The following PPP1R13B variants were observed in gnomAD, a reference collection of about 807,000 sequenced individuals.
PPP1R13B encodes the protein protein phosphatase 1 regulatory subunit 13B.
Under a neutral mutation model 119.8 loss-of-function variants are expected in PPP1R13B, and 44 were observed. That is an observed-to-expected ratio of 0.37 (90% CI 0.29 to 0.47). The LOEUF is 0.47. PPP1R13B is among the 20% of genes least tolerant of loss of function. The probability of loss-of-function intolerance (pLI) is 0.99; values close to 1 mark genes in which losing one functional copy is unlikely to be tolerated. For synonymous variants in PPP1R13B, 542 were observed against 561.5 expected, an observed-to-expected ratio of 0.97 and a Z score of 0.49; for missense variants, 1,227 against 1,413.5, an observed-to-expected ratio of 0.87 and a Z score of 2.12.
intron 1 of PPP1R13B, chr14:103,846,848 G>A (rs2152093366): frequency 2.0e-6 from 1 of 504,398 alleles, no homozygotes; most frequent in South Asian, 1.5e-5. Context: ...CCTTTCCTCA[G>A]TACAACCGCG....
rs1297999251 is a variant in PPP1R13B, at chr14:103,754,055, G to GT, written c.631+14dup. On this transcript the variant is annotated intron_variant, in intron 6 of 16. Transcript: ENST00000202556. ...CTGGTGAGAGTGGTGTCGAGGGGGT[G>GT]TTGCAGGCACGTACACAGATTGCCG... is the stretch of plus-strand genomic sequence containing the variant. 5 of 1,610,798 alleles carry GT rather than the reference G, an allele frequency of 3.1e-6. No individual in the cohort carries two copies. The highest frequency in any genetic ancestry group is 4.2e-6 in the Non-Finnish European group (5 of 1,177,940).
intron 1 of PPP1R13B, among the ~76,000 whole-genome samples, chr14:103,825,796 G>A (rs949432325): frequency 1.3e-5 from 2 of 151,862 alleles, no homozygotes; most frequent in African/African-American, 4.8e-5. Flanking sequence ...TACAATCACT[G>A]ACGAAGGTGA....
At chr14:103,814,448 C>T (rs2086230790) in intron 1 of PPP1R13B, among the ~76,000 whole-genome samples, 3 of 152,322 alleles carry the variant, frequency 2.0e-5, no homozygotes, top group South Asian at 4.1e-4. Flanking sequence ...CTGTGTGACT[C>T]CAAAGCTTAA....
chr14:103,843,303 G>A (rs1303727150), intron 1 of PPP1R13B, among the ~76,000 whole-genome samples: 2 of 152,098 alleles, frequency 1.3e-5, no homozygotes, highest in Non-Finnish European at 2.9e-5. Context: ...GAATCCAGGA[G>A]GCAGAGGTTG....
intron 1 of PPP1R13B, among the ~76,000 whole-genome samples, chr14:103,821,395 A>C (rs1488600229): frequency 1.3e-5 from 2 of 152,194 alleles, no homozygotes; most frequent in African/African-American, 4.8e-5. Flanking sequence ...ATAGAAATGA[A>C]CTGAAATTAA....
chr14:103,832,968 C>T (rs577034737), intron 1 of PPP1R13B, among the ~76,000 whole-genome samples: 36 of 149,520 alleles, frequency 2.4e-4, no homozygotes, highest in African/African-American at 8.7e-4. Flanking sequence ...GGTGACAGAG[C>T]GAGATTATGT....
chr14:103,804,870 C>T (rs55824307), intron 1 of PPP1R13B, among the ~76,000 whole-genome samples: 67,753 of 152,030 alleles, frequency 0.45, 15,596 homozygotes, highest in African/African-American at 0.56. Context: ...AGCTATTTTG[C>T]ATAACAGTCC....
Position 103,742,938 on chromosome 14 carries a change from TC to T in PPP1R13B, c.1151-116del. 8.1e-7 allele frequency: 1 copy of T among 1,227,886 alleles called. No individual in the cohort carries two copies. The allele number at this position is 1,227,886 out of a possible 1,614,324, so 76.1% of individuals were successfully genotyped here. A position where few individuals can be genotyped will look rare whatever the true frequency, so the allele number is the denominator to read the frequency against. ...CTGGGACATCCCATTCTGATGCAGA[TC>T]CATTAACCGAGTGGTCAACCACCAG... On this transcript the variant is annotated intron_variant, in intron 9 of 16. Transcript: ENST00000202556. This position sits in a 1 kb window ranked among gnomAD's most constrained non-coding sequence, Gnocchi z 4.9.
rs149315609 is a variant in PPP1R13B at position 103,776,562 on chromosome 14, T to C, written c.354+2183A>G. 2.6e-3 allele frequency among the ~76,000 whole-genome samples: 402 copies of C among 152,222 alleles called. 3 individuals are homozygous for C. Among genetic ancestry groups the C allele is most frequent in the Non-Finnish European group, 4.5e-3 (309 of 68,004 alleles). On this transcript the variant is annotated intron_variant, in intron 4 of 16. Coordinates refer to ENST00000202556, the MANE Select transcript of PPP1R13B (RefSeq NM_015316.3). ...TGCCTAAGCTTAGATGCCTAGTTAG[T>C]GTTACAGCCAGAAAAAGAAACTCAA...
rs2087082165 is a variant in PPP1R13B, at chr14:103,847,495, C to G, written c.-188G>C. ...TGGCCCTGTCGCGGCCGCCGGCGCGCTGCGTCGCTGTCCCGGGCACCCGGC... is the reference window on the plus strand; with the variant it reads ...TGGCCCTGTCGCGGCCGCCGGCGCGGTGCGTCGCTGTCCCGGGCACCCGGC... On this transcript the variant is annotated 5_prime_UTR_variant, in exon 1 of 17. Transcript: ENST00000202556. 1 of 985,134 alleles carries G rather than the reference C, an allele frequency of 1.0e-6. No individual in the cohort carries two copies. Among genetic ancestry groups the G allele is most frequent in the Admixed American group, 6.3e-5 (1 of 15,998 alleles). 61.0% of individuals were successfully genotyped at this position (985,134 alleles called of 1,614,324 possible).
rs557939618 is a variant in PPP1R13B, at chr14:103,738,381, T to C, written c.2864+298A>G. ...CGGAGCACAGAGTGTGAAGAGTCCA[T>C]ACGGAACATATGAGAAGGGGAAGAT... On this transcript the variant is annotated intron_variant, in intron 14 of 16. Coordinates refer to ENST00000202556, the MANE Select transcript of PPP1R13B (RefSeq NM_015316.3). The surrounding 1 kb of genome is among the most constrained non-coding windows in gnomAD (Gnocchi z 5.6). 2 of 434,842 alleles carry C rather than the reference T, an allele frequency of 4.6e-6. No homozygotes were observed. Among genetic ancestry groups the C allele is most frequent in the Admixed American group, 3.6e-5 (1 of 27,962 alleles). 26.9% of individuals were successfully genotyped at this position (434,842 alleles called of 1,614,324 possible).
intron 2 of PPP1R13B, chr14:103,794,624 G>A (rs1345144904): frequency 3.3e-5 from 15 of 449,468 alleles, no homozygotes; most frequent in East Asian, 2.8e-4. Context: ...CACAGTGCCC[G>A]GCCAGGTGCA....
Position 103,762,394 on chromosome 14 carries a change from A to T in PPP1R13B, c.355-4643T>A, listed in dbSNP as rs2151993257. 2.1e-5 allele frequency among the ~76,000 whole-genome samples: 3 copies of T among 142,872 alleles called. No individual in the cohort carries two copies. In the South Asian group the frequency reaches 6.6e-4, roughly 31 times the overall value. The allele number at this position is 142,872 out of a possible 152,430, so 93.7% of individuals were successfully genotyped here. A position where few individuals can be genotyped will look rare whatever the true frequency, so the allele number is the denominator to read the frequency against. On this transcript the variant is annotated intron_variant, in intron 4 of 16. Transcript: ENST00000202556. ...ATATGCTGATTTTAATATTCAGCCAAATTACTTCATTATGGTTATAATAGG... is the reference window on the plus strand; with the variant it reads ...ATATGCTGATTTTAATATTCAGCCATATTACTTCATTATGGTTATAATAGG...
chr14:103,733,244 A>ATACT lies in PPP1R13B; in HGVS notation c.*1906_*1909dup. The ATACT allele has an allele frequency of 3.5e-6, 2 of 565,400 alleles. No homozygotes were observed. The highest frequency in any genetic ancestry group is 4.6e-5 in the South Asian group (2 of 43,752). The allele number at this position is 565,400 out of a possible 1,614,324, so 35.0% of individuals were successfully genotyped here. A position where few individuals can be genotyped will look rare whatever the true frequency, so the allele number is the denominator to read the frequency against. On this transcript the variant is annotated 3_prime_UTR_variant, in exon 17 of 17. Coordinates refer to ENST00000202556, the MANE Select transcript of PPP1R13B (RefSeq NM_015316.3). ...ATGTTTTAGAATTTGTGTATTGTCAATACTTAATTGGGGGTGGGAGAGACT... is the reference window on the plus strand; with the variant it reads ...ATGTTTTAGAATTTGTGTATTGTCAATACTTACTTAATTGGGGGTGGGAGAGACT...
At chr14:103,759,157 A>G (rs1366827110) in intron 4 of PPP1R13B, 2 of 151,818 alleles carry the variant, frequency 1.3e-5, no homozygotes, top group Admixed American at 1.3e-4. Flanking sequence ...ACAGGGTTTC[A>G]CCATATTGGC....
chr14:103,828,246 G>A (rs1595832622), intron 1 of PPP1R13B, among the ~76,000 whole-genome samples: 1 of 151,976 alleles, frequency 6.6e-6, no homozygotes, highest in Middle Eastern at 3.4e-3. Flanking sequence ...GCGGGCACCT[G>A]TAATCCGAGC....
upstream of PPP1R13B, among the ~76,000 whole-genome samples, chr14:103,848,752 A>G (rs1288166463): frequency 6.7e-6 from 1 of 149,726 alleles, no homozygotes; most frequent in Non-Finnish European, 1.5e-5. Context: ...AGCTCCCACC[A>G]GCCCATTCCT....
chr14:103,743,902 G>A (rs4906363), intron 9 of PPP1R13B: 40,837 of 152,220 alleles, frequency 0.27, 6,389 homozygotes, highest in Non-Finnish European at 0.34. Flanking sequence ...CGATGCAGCC[G>A]CACCGCAACC....
intron 1 of PPP1R13B, 180 bp downstream of exon 1, chr14:103,847,119 G>A: frequency 7.1e-6 from 7 of 984,152 alleles, no homozygotes; most frequent in Non-Finnish European, 8.4e-6. Flanking sequence ...TGACAGCCCG[G>A]CGCCGCCCCC....
Sources: allele counts gnomAD v4.1 joint callset (sites outside exome capture counted in the v4.1 genomes callset), GRCh38; gene constraint gnomAD v4.1.1; non-coding constraint Gnocchi (gnomAD v3.1); transcripts MANE v1.5; gene names NCBI Gene and HGNC (gene_info 2026-07-23, HGNC 2026-07-21).